The following CDH4 variants were observed in gnomAD, a reference collection of about 807,000 sequenced individuals.
CDH4 encodes the protein cadherin 4, also known as cadherin-4.
In CDH4, 33 loss-of-function variants were observed where a neutral mutation model predicts 86.0. The observed-to-expected ratio is 0.38, with a 90% CI of 0.29 to 0.51. The LOEUF is 0.51. CDH4 is among the 20% of genes least tolerant of loss of function. The probability of loss-of-function intolerance (pLI) is 0.86; values close to 1 mark genes in which losing one functional copy is unlikely to be tolerated. For missense variants in CDH4, 1,114 were observed against 1,307.4 expected (o/e 0.85, Z 2.28); for synonymous variants, 555 against 549.4 (o/e 1.01, Z -0.14).
At chr20:61,873,995 C>A in intron 7 of CDH4, 95 bp downstream of exon 7, 2 of 1,355,616 alleles carry the variant, frequency 1.5e-6, no homozygotes, top group Non-Finnish European at 2.1e-6. Context: ...GTGGCGCCGT[C>A]GGGGAGTGAT....
chr20:61,394,350 C>G (rs191888068), intron 2 of CDH4, among the ~76,000 whole-genome samples: 2 of 152,164 alleles, frequency 1.3e-5, no homozygotes, highest in African/African-American at 4.8e-5. Flanking sequence ...TCAGCCCCAG[C>G]GACCAGCGGC....
chr20:61,840,354 G>A (rs1982103534), intron 4 of CDH4, among the ~76,000 whole-genome samples: 1 of 152,154 alleles, frequency 6.6e-6, no homozygotes, highest in South Asian at 2.1e-4. Flanking sequence ...CAAAGTGTCT[G>A]CGATTCAAAA....
At chr20:61,759,967 C>T (rs1036288777) in intron 3 of CDH4, among the ~76,000 whole-genome samples, 1 of 152,170 alleles carries the variant, frequency 6.6e-6, no homozygotes, top group African/African-American at 2.4e-5. Flanking sequence ...CGGCCAGGAC[C>T]GAGGTCACAA....
intron 4 of CDH4, among the ~76,000 whole-genome samples, chr20:61,843,780 A>G (rs1159078746): frequency 6.6e-6 from 1 of 151,780 alleles, no homozygotes; most frequent in Non-Finnish European, 1.5e-5. Context: ...AAATGTTGTG[A>G]TGGTCCTGTG....
intron 8 of CDH4, among the ~76,000 whole-genome samples, chr20:61,899,996 T>C (rs1985309957): frequency 1.3e-5 from 2 of 152,190 alleles, no homozygotes; most frequent in South Asian, 4.1e-4. Context: ...GGAAGTTCCC[T>C]CCCCAAGCCG....
intron 2 of CDH4, among the ~76,000 whole-genome samples, chr20:61,321,125 C>T (rs1294875466): frequency 6.6e-6 from 1 of 152,238 alleles, no homozygotes; most frequent in South Asian, 2.1e-4. Context: ...CACATTTCCA[C>T]CTCGAGAGCG....
chr20:61,273,433 G>T (rs2084198663), intron 2 of CDH4, among the ~76,000 whole-genome samples: 2 of 95,248 alleles, frequency 2.1e-5, no homozygotes, highest in Non-Finnish European at 4.3e-5. Flanking sequence ...GCAGTTTGGG[G>T]GAGGACCATG....
At chr20:61,931,564 T>C (rs997210473) in intron 13 of CDH4, among the ~76,000 whole-genome samples, 8 of 152,194 alleles carry the variant, frequency 5.3e-5, no homozygotes, top group Non-Finnish European at 1.0e-4. Context: ...AGTGCACCTG[T>C]GATTCTGGGC....
intron 6 of CDH4, 89 bp from the exon 7 acceptor site, chr20:61,873,639 C>T (rs1983895558): frequency 1.4e-6 from 2 of 1,412,510 alleles, no homozygotes; most frequent in Non-Finnish European, 1.9e-6. Flanking sequence ...ACGGAGAGCT[C>T]TGTGGTCGGG....
intron 4 of CDH4, among the ~76,000 whole-genome samples, chr20:61,832,472 A>G (rs917241932): frequency 6.6e-6 from 1 of 152,216 alleles, no homozygotes; most frequent in Admixed American, 6.5e-5. Flanking sequence ...CCAAGACTGG[A>G]TAGTTTACAA....
intron 2 of CDH4, among the ~76,000 whole-genome samples, chr20:61,497,960 A>G (rs2085674081): frequency 6.6e-6 from 1 of 151,430 alleles, no homozygotes; most frequent in Admixed American, 6.6e-5. Flanking sequence ...TGCAAGGACA[A>G]AAAACCAAAC....
intron 2 of CDH4, among the ~76,000 whole-genome samples, chr20:61,426,258 A>C (rs539118195): frequency 6.6e-6 from 1 of 152,312 alleles, no homozygotes; most frequent in South Asian, 2.1e-4. Flanking sequence ...AATCTAGCTG[A>C]TAAAAATTTT....
rs1985045284 is a variant in CDH4 at position 61,895,132 on chromosome 20, G to A, written c.1188+85G>A. ...GTGCGGCACAGCCTCCTCTCTCTCT[G>A]CGGCTCTGCCTGACGGGCACTTGGC... is the stretch of plus-strand genomic sequence containing the variant. On this transcript the variant is annotated intron_variant, in intron 8 of 15. Transcript: ENST00000614565. The A allele has an allele frequency of 3.3e-6, 5 of 1,502,364 alleles. No individual in the cohort carries two copies. In the African/African-American group the frequency reaches 6.9e-5, roughly 21 times the overall value. 93.1% of individuals were successfully genotyped at this position (1,502,364 alleles called of 1,614,324 possible). A position where few individuals can be genotyped will look rare whatever the true frequency, so the allele number is the denominator to read the frequency against.
At chr20:61,585,993 GAT>G (rs1416572107) in intron 2 of CDH4, among the ~76,000 whole-genome samples, 8 of 75,800 alleles carry the variant, frequency 1.1e-4, no homozygotes, top group African/African-American at 2.7e-4. Context: ...TGATGGTGAT[GAT>G]GATGATGGTG....
At chr20:61,474,661 A>T (rs1324544326) in intron 2 of CDH4, among the ~76,000 whole-genome samples, 2 of 152,130 alleles carry the variant, frequency 1.3e-5, no homozygotes, top group African/African-American at 4.8e-5. Flanking sequence ...TTAAGCAACC[A>T]GACCCTTTCT....
At chr20:61,426,551 C>T (rs1025145834) in intron 2 of CDH4, among the ~76,000 whole-genome samples, 22 of 152,186 alleles carry the variant, frequency 1.4e-4, no homozygotes, top group African/African-American at 4.6e-4. Context: ...ATCCCTTCCC[C>T]GTCACCTGCC....
rs1389334552 is a variant in CDH4, at chr20:61,602,717, A to AAC, written c.170-140845_170-140844insCA. Among the ~76,000 whole-genome samples the AAC allele has an allele frequency of 6.0e-5, 9 of 150,874 alleles. No individual in the cohort carries two copies. The South Asian group carries it at 1.3e-3, about 21-fold the overall frequency. On this transcript the variant is annotated intron_variant, in intron 2 of 15. Coordinates refer to ENST00000614565, the MANE Select transcript of CDH4 (RefSeq NM_001794.5). ...ATTAAAAAAAAAAAAAAAAAAAAAA[A>AAC]AAACTTGAGCACCTCCTGTCTCCCA... is the stretch of plus-strand genomic sequence containing the variant.
chr20:61,528,390 A>AGGAGGGGAAGGGAGGGGAGGGGGGT, intron 2 of CDH4, among the ~76,000 whole-genome samples: 1 of 120,174 alleles, frequency 8.3e-6, no homozygotes, highest in Non-Finnish European at 1.7e-5. Context: ...GAAAGATGAG[A>AGGAGGGGAAGGGAGGGGAGGGGGGT]GGAGGGGAAG....
At chr20:61,633,184 A>G (rs1378602660) in intron 2 of CDH4, among the ~76,000 whole-genome samples, 2 of 148,936 alleles carry the variant, frequency 1.3e-5, no homozygotes, top group Admixed American at 6.7e-5. Flanking sequence ...CCACCCATCC[A>G]TCCTCCATCC....
Sources: gnomAD v4.1 joint callset for allele counts (sites outside exome capture counted in the v4.1 genomes callset) on GRCh38, gnomAD v4.1.1 for gene constraint, MANE v1.5 for transcripts, NCBI Gene and HGNC (gene_info 2026-07-23, HGNC 2026-07-21) for gene names.